LAPTM5: variants seen among roughly 807,000 people sequenced by gnomAD.
LAPTM5 encodes the protein lysosomal protein transmembrane 5, also known as lysosomal-associated transmembrane protein 5.
A neutral mutation model predicts 30.1 loss-of-function variants in LAPTM5; 11 were observed. The observed-to-expected ratio is 0.37, with a 90% CI of 0.23 to 0.60. The LOEUF (loss-of-function observed/expected upper bound fraction) is 0.60. Among genes scored for constraint, LAPTM5 ranks in the 20% least tolerant of loss-of-function variants. The pLI is 0.71. For missense variants in LAPTM5, 324 were observed against 332.5 expected (o/e 0.97, Z 0.20); for synonymous variants, 151 against 137.9 (o/e 1.10, Z -0.67).
intron 1 of LAPTM5, among the ~76,000 whole-genome samples, chr1:30,752,877 G>C (rs1274095275): frequency 3.3e-5 from 5 of 152,110 alleles, no homozygotes; most frequent in Non-Finnish European, 2.9e-5. Context: ...CGCGATCTCG[G>C]CTCACTGCAA....
intron 1 of LAPTM5, among the ~76,000 whole-genome samples, chr1:30,750,412 C>T (rs886253479): frequency 3.3e-5 from 5 of 152,216 alleles, no homozygotes; most frequent in African/African-American, 7.2e-5. Context: ...CTCTGTATCA[C>T]GGGCTCTGCA....
At position 30,733,848 on chromosome 1, in the gene LAPTM5, G is replaced by T. The variant is rs1344424614; in HGVS notation, c.769C>A (p.Pro257Thr). 3 of 1,608,978 alleles carry T rather than the reference G, an allele frequency of 1.9e-6. No individual in the cohort carries two copies. The South Asian group carries it at 3.3e-5, about 18-fold the overall frequency. ...SKTPEGGPAP[P>T]PYSEV Reference sequence around the variant, plus strand: ...GAGGGTCACACCTCTGAGTATGGGGGTGGTGCTGGGCCCCCCTCTGGGGTC... The same window carrying T: ...GAGGGTCACACCTCTGAGTATGGGGTTGGTGCTGGGCCCCCCTCTGGGGTC... The change falls in exon 8 of 8, where the codon CCC becomes ACC. Residue 257 changes from proline (P) to threonine (T), a missense_variant. By Grantham distance (38) the Pro-to-Thr change is conservative (BLOSUM62 -1). Coordinates refer to ENST00000294507, the MANE Select transcript of LAPTM5 (RefSeq NM_006762.3).
chr1:30,752,774 G>A (rs575318890), intron 1 of LAPTM5, among the ~76,000 whole-genome samples: 6 of 152,198 alleles, frequency 3.9e-5, no homozygotes, highest in Non-Finnish European at 8.8e-5. Context: ...CGAGGTCAGG[G>A]CAATAGAGAC....
chr1:30,735,833 C>T (rs1639876848), intron 6 of LAPTM5, among the ~76,000 whole-genome samples: 1 of 152,144 alleles, frequency 6.6e-6, no homozygotes, highest in African/African-American at 2.4e-5. Flanking sequence ...AGAAAACCCC[C>T]AGGATGCCCC....
chr1:30,740,399 T>TCCCCCCCCCCC (rs148522746), intron 3 of LAPTM5, among the ~76,000 whole-genome samples: 1 of 103,194 alleles, frequency 9.7e-6, no homozygotes, highest in African/African-American at 4.1e-5. Flanking sequence ...AGAGAGCCCC[T>TCCCCCCCCCCC]CCCCCCCACC....
intron 6 of LAPTM5, 21 bp downstream of exon 6, chr1:30,737,583 G>A (rs748257104): frequency 2.6e-5 from 41 of 1,577,758 alleles, no homozygotes; most frequent in Middle Eastern, 1.7e-4. Flanking sequence ...TCCCAGAGCC[G>A]CAGGGCAGGG....
chr1:30,734,720 G>A (rs771048652), intron 7 of LAPTM5, among the ~76,000 whole-genome samples: 16 of 152,124 alleles, frequency 1.1e-4, no homozygotes, highest in Non-Finnish European at 1.8e-4. Context: ...CTCTCTTCCC[G>A]GAAAGCCTCC....
chr1:30,745,155 C>T (rs191904231), intron 1 of LAPTM5, among the ~76,000 whole-genome samples: 3 of 152,312 alleles, frequency 2.0e-5, no homozygotes, highest in Non-Finnish European at 4.4e-5. Context: ...TACAGCCTAA[C>T]TCCATGCCAC....
chr1:30,756,215 A>G (rs891309831), intron 1 of LAPTM5, among the ~76,000 whole-genome samples: 16 of 152,172 alleles, frequency 1.1e-4, no homozygotes, highest in African/African-American at 3.9e-4. Flanking sequence ...CCTAAAATAC[A>G]GGGTACAGGG....
intron 1 of LAPTM5, among the ~76,000 whole-genome samples, chr1:30,749,828 G>A (rs1320471556): frequency 6.6e-6 from 1 of 152,222 alleles, no homozygotes; most frequent in Non-Finnish European, 1.5e-5. Flanking sequence ...TTAGTAAACT[G>A]TGATTTGGCG....
chr1:30,751,738 CA>C (rs35757328), intron 1 of LAPTM5, among the ~76,000 whole-genome samples: 1 of 151,092 alleles, frequency 6.6e-6, no homozygotes, highest in Non-Finnish European at 1.5e-5. Context: ...GACTCAGTCT[CA>C]AAAAAAAGGG....
intron 1 of LAPTM5, among the ~76,000 whole-genome samples, chr1:30,748,607 C>T (rs1299113128): frequency 6.6e-6 from 1 of 152,194 alleles, no homozygotes; most frequent in East Asian, 1.9e-4. Flanking sequence ...TCAGTGGGGG[C>T]CAGCCCCCCA....
chr1:30,741,534 G>GTAT, intron 3 of LAPTM5, 106 bp downstream of exon 3: 1 of 664,024 alleles, frequency 1.5e-6, no homozygotes, highest in South Asian at 2.5e-5. Flanking sequence ...AGGTGGGACC[G>GTAT]CCTAACATAC....
chr1:30,744,013 A>G (rs571852619), intron 1 of LAPTM5, among the ~76,000 whole-genome samples: 39 of 151,928 alleles, frequency 2.6e-4, no homozygotes, highest in South Asian at 2.5e-3. Context: ...AATTGCAATC[A>G]CTGGATTTAG....
At chr1:30,742,169 T>C in intron 2 of LAPTM5, 1 of 496,898 alleles carries the variant, frequency 2.0e-6, no homozygotes, top group South Asian at 2.2e-5. Flanking sequence ...GAGCAGCCAC[T>C]GACGGCTTTA....
At chr1:30,740,727 A>G (rs1078609) in intron 3 of LAPTM5, among the ~76,000 whole-genome samples, 16,217 of 152,090 alleles carry the variant, frequency 0.11, 1,136 homozygotes, top group East Asian at 0.21. Context: ...GAACCCTTTG[A>G]GTTTCTGCAC....
rs941451423 is a variant in LAPTM5 at position 30,739,409 on chromosome 1, A to C, written c.388-347T>G. 6.6e-6 allele frequency among the ~76,000 whole-genome samples: 1 copy of C among 152,212 alleles called. No individual in the cohort carries two copies. The highest frequency in any genetic ancestry group is 1.5e-5 in the Non-Finnish European group (1 of 68,044). On this transcript the variant is annotated intron_variant, in intron 4 of 7. Coordinates refer to ENST00000294507, the MANE Select transcript of LAPTM5 (RefSeq NM_006762.3). This position sits in a 1 kb window ranked among gnomAD's most constrained non-coding sequence, Gnocchi z 4.2. Reference sequence around the variant, plus strand: ...TCAAGCCACCCCACAGTGGGCGCTCACTGGCATGAATCATCCTTCTCTTCC... The same window carrying C: ...TCAAGCCACCCCACAGTGGGCGCTCCCTGGCATGAATCATCCTTCTCTTCC...
At chr1:30,751,502 G>A (rs559250160) in intron 1 of LAPTM5, among the ~76,000 whole-genome samples, 1 of 152,254 alleles carries the variant, frequency 6.6e-6, no homozygotes, top group Non-Finnish European at 1.5e-5. Flanking sequence ...ACTTTGGGAG[G>A]CTGAGGCTGG....
At chr1:30,748,331 A>G (rs1390246171) in intron 1 of LAPTM5, among the ~76,000 whole-genome samples, 1 of 152,046 alleles carries the variant, frequency 6.6e-6, no homozygotes, top group African/African-American at 2.4e-5. Flanking sequence ...GCAGTTTGCC[A>G]TATGGGTCCC....
Sources: allele counts gnomAD v4.1 joint callset (sites outside exome capture counted in the v4.1 genomes callset), GRCh38; gene constraint gnomAD v4.1.1; non-coding constraint Gnocchi (gnomAD v3.1); transcripts MANE v1.5; gene names NCBI Gene and HGNC (gene_info 2026-07-23, HGNC 2026-07-21).